Variants in PARG observed in about 807,000 individuals in gnomAD.
PARG encodes mitochondrial poly(ADP-ribose) glycohydrolase.
PARG carries 35 observed loss-of-function variants against 113.0 expected under a neutral mutation model. The observed-to-expected ratio is 0.31, with a 90% CI of 0.24 to 0.41. The LOEUF is 0.41. PARG is among the 10% of genes least tolerant of loss of function. The pLI is 1.00. For missense variants in PARG, 797 were observed against 1,169.4 expected (o/e 0.68, Z 4.64); for synonymous variants, 330 against 409.9 (o/e 0.81, Z 2.36).
intron 6 of PARG, among the ~76,000 whole-genome samples, chr10:49,919,592 G>A (rs1837685498): frequency 6.6e-6 from 1 of 152,128 alleles, no homozygotes; most frequent in African/African-American, 2.4e-5. Context: ...GCCAAGGCAG[G>A]TGGATCACTT....
rs181763230 is a variant in PARG, at chr10:49,915,934, T to C, written c.1720A>G (p.Ile574Val). Residue 574 changes from isoleucine (I) to valine (V), a missense_variant, in exon 7 of 18, where the codon ATC becomes GTC. Ile to Val is a conservative substitution (Grantham distance 29). This residue lies in a region of PARG where 252 missense variants were observed against 437.4 expected (regional missense o/e 0.58). Coordinates refer to ENST00000616448, the MANE Select transcript of PARG (RefSeq NM_003631.5). The stretch of plus-strand genomic sequence containing the variant: ...ACTTTTACCTTATCCCAGAAATCGA[T>C]CAAAGCTGTAAAGTCCCATTTCTTA... Reference protein sequence around the residue: ...YSKKWDFTALIDFWDKVLEEA... With the variant: ...YSKKWDFTALVDFWDKVLEEA... 3,256 of 1,517,330 alleles carry C rather than the reference T, an allele frequency of 2.1e-3. No homozygotes were observed. The highest frequency in any genetic ancestry group is 0.013 in the East Asian group (526 of 40,762). The allele number at this position is 1,517,330 out of a possible 1,614,324, so 94.0% of individuals were successfully genotyped here. A position where few individuals can be genotyped will look rare whatever the true frequency, so the allele number is the denominator to read the frequency against.
rs1336945164 is a variant in PARG at position 49,941,849 on chromosome 10, G to T, written c.-124C>A. Reference sequence around the variant, plus strand: ...CCTGCACCATTCCCTCTCTGCCGCTGCCTGCTTCTGCAATTGCTGATCCGC... The same window carrying T: ...CCTGCACCATTCCCTCTCTGCCGCTTCCTGCTTCTGCAATTGCTGATCCGC... On this transcript the variant is annotated 5_prime_UTR_variant, in exon 1 of 18. Transcript: ENST00000616448. 42 of 1,511,064 alleles carry T rather than the reference G, an allele frequency of 2.8e-5. No individual in the cohort carries two copies. Among genetic ancestry groups the T allele is most frequent in the Non-Finnish European group, 3.6e-5 (41 of 1,124,708 alleles). 93.6% of individuals were successfully genotyped at this position (1,511,064 alleles called of 1,614,324 possible). A position where few individuals can be genotyped will look rare whatever the true frequency, so the allele number is the denominator to read the frequency against.
chr10:49,821,617 T>TCCTC (rs1554828666), intron 16 of PARG, among the ~76,000 whole-genome samples: 38 of 152,308 alleles, frequency 2.5e-4, no homozygotes, highest in African/African-American at 8.9e-4. Context: ...TGACCTCAAG[T>TCCTC]GATCTGCCCG....
At chr10:49,911,206 C>T (rs1399256584) in intron 7 of PARG, among the ~76,000 whole-genome samples, 1 of 151,290 alleles carries the variant, frequency 6.6e-6, no homozygotes, top group Non-Finnish European at 1.5e-5. Context: ...TCACTTGAAC[C>T]TGGGAGGCAG....
chr10:49,867,824 T>C (rs1270839547), intron 10 of PARG, among the ~76,000 whole-genome samples: 37 of 151,876 alleles, frequency 2.4e-4, no homozygotes, highest in African/African-American at 8.7e-4. Context: ...AGTTAGTTTT[T>C]AGAGAAGACA....
At chr10:49,883,906 T>C (rs1471294601) in intron 8 of PARG, among the ~76,000 whole-genome samples, 2 of 150,184 alleles carry the variant, frequency 1.3e-5, no homozygotes, top group Non-Finnish European at 3.0e-5. Flanking sequence ...CTAGGTACCT[T>C]GAGAAAAATA....
At chr10:49,910,324 T>G (rs1192367214) in intron 7 of PARG, among the ~76,000 whole-genome samples, 11 of 152,340 alleles carry the variant, frequency 7.2e-5, no homozygotes, top group Middle Eastern at 3.4e-3. Context: ...TATGTATGAT[T>G]TGAAGTAAAG....
At chr10:49,856,217 T>C (rs1399707345) in intron 13 of PARG, among the ~76,000 whole-genome samples, 1 of 151,502 alleles carries the variant, frequency 6.6e-6, no homozygotes, top group African/African-American at 2.4e-5. Context: ...TCTTGCTCTG[T>C]CGCCCAGGCT....
At chr10:49,866,658 G>A (rs1416533998) in intron 10 of PARG, among the ~76,000 whole-genome samples, 64 of 151,886 alleles carry the variant, frequency 4.2e-4, no homozygotes, top group African/African-American at 1.5e-3. Flanking sequence ...AAACACTGCT[G>A]GCAAAGCAAG....
chr10:49,925,429 C>G (rs1342042683), intron 4 of PARG, among the ~76,000 whole-genome samples: 3 of 152,084 alleles, frequency 2.0e-5, no homozygotes, highest in Non-Finnish European at 4.4e-5. Flanking sequence ...CCTGGAAGCC[C>G]CTTTCGAGTT....
At chr10:49,886,662 CT>C (rs1259612208) in intron 7 of PARG, among the ~76,000 whole-genome samples, 3 of 152,016 alleles carry the variant, frequency 2.0e-5, no homozygotes, top group African/African-American at 7.2e-5. Flanking sequence ...AGTGTTTATA[CT>C]ATCCAACTGA....
At chr10:49,916,762 T>G (rs146548494) in intron 6 of PARG, among the ~76,000 whole-genome samples, 1,758 of 152,284 alleles carry the variant, frequency 0.012, 31 homozygotes, top group African/African-American at 0.039. Flanking sequence ...AATATCTACT[T>G]TGGTTTTATT....
Position 49,932,120 on chromosome 10 carries a change from T to C in PARG, c.1435A>G (p.Asn479Asp). The change falls in exon 4 of 18, where the codon AAT becomes GAT. Residue 479 changes from asparagine to aspartate, a missense_variant. Around this residue, in one of 5 missense-constraint regions of PARG, gnomAD observed 252 missense variants for 437.4 expected, o/e 0.58. Coordinates refer to ENST00000616448, the MANE Select transcript of PARG (RefSeq NM_003631.5). ...CCTACCCGAATAGTTACTGTGTGAT[T>C]GGCAGATGGTCTCAAGAGAGGCAGC... ...IRLPLLRPSA[N>D]HTVTIRVDLL... The C allele has an allele frequency of 6.2e-7, 1 of 1,600,216 alleles. No homozygotes were observed. The highest frequency in any genetic ancestry group is 1.7e-5 in the Admixed American group (1 of 59,984).
At chr10:49,835,817 G>A (rs962965459) in intron 15 of PARG, among the ~76,000 whole-genome samples, 8 of 151,980 alleles carry the variant, frequency 5.3e-5, no homozygotes, top group Admixed American at 3.9e-4. Flanking sequence ...AGACAGTTAC[G>A]TGCCGCATAG....
chr10:49,917,057 A>T (rs1554847831), intron 6 of PARG, among the ~76,000 whole-genome samples: 1 of 151,626 alleles, frequency 6.6e-6, no homozygotes, highest in Admixed American at 6.6e-5. Context: ...ATCAGGGGAC[A>T]TCCAAGTTCC....
At position 49,860,018 on chromosome 10, in the gene PARG, G is replaced by A. The variant is rs1846179913; in HGVS notation, c.2205+1570C>T. ...TTGATGAAAAGACAGGAATGATAAA[G>A]CTCCTCAGAGAGGTTTTGTTGTTGT... On this transcript the variant is annotated intron_variant, in intron 12 of 17. Transcript: ENST00000616448. Among the ~76,000 whole-genome samples, 7 of 152,238 alleles carry A rather than the reference G, an allele frequency of 4.6e-5. No homozygotes were observed. The South Asian group carries it at 1.4e-3, about 32-fold the overall frequency.
chr10:49,937,198 C>G (rs1338722442), intron 1 of PARG, among the ~76,000 whole-genome samples: 1 of 152,108 alleles, frequency 6.6e-6, no homozygotes, highest in Non-Finnish European at 1.5e-5. Context: ...CAAATTGGGC[C>G]GGGCGCAGTG....
At chr10:49,828,031 A>C (rs1240850349) in intron 16 of PARG, among the ~76,000 whole-genome samples, 1 of 133,014 alleles carries the variant, frequency 7.5e-6, no homozygotes, top group Non-Finnish European at 1.6e-5. Flanking sequence ...CTGGTGGTAC[A>C]TTTGAGGCAG....
At chr10:49,819,636 C>T in intron 17 of PARG, 142 bp from the exon 18 acceptor site, 1 of 639,002 alleles carries the variant, frequency 1.6e-6, no homozygotes, top group South Asian at 2.0e-5. Flanking sequence ...TTTCATATGC[C>T]TGAAAGGCTT....
Sources: allele counts gnomAD v4.1 joint callset (sites outside exome capture counted in the v4.1 genomes callset), GRCh38; gene constraint gnomAD v4.1.1; regional missense constraint gnomAD v4.1.1; transcripts MANE v1.5; gene names NCBI Gene and HGNC (gene_info 2026-07-23, HGNC 2026-07-21).